The following DOCK1 variants were observed in gnomAD, a reference collection of about 807,000 sequenced individuals.
DOCK1 encodes dedicator of cytokinesis protein 1.
In DOCK1, 138 loss-of-function variants were observed where a neutral mutation model predicts 262.7. The ratio of observed to expected loss-of-function variants is 0.53; its 90% CI spans 0.46 to 0.61. The LOEUF (loss-of-function observed/expected upper bound fraction) is 0.61, where lower values mean the gene tolerates loss of function less well. Among genes scored for constraint, DOCK1 ranks in the 20% least tolerant of loss-of-function variants. The pLI is 0.00. For synonymous variants in DOCK1, 866 were observed against 867.4 expected (o/e 1.00, Z 0.03); for missense variants, 1,908 against 2,370.7 (o/e 0.80, Z 4.05).
chr10:126,978,610 A>G (rs866699109), intron 3 of DOCK1, among the ~76,000 whole-genome samples: 1 of 152,160 alleles, frequency 6.6e-6, no homozygotes, highest in Non-Finnish European at 1.5e-5. Context: ...CTTCTGTTTC[A>G]TTCTACGATG....
At chr10:127,443,608 C>G (rs2070334972) in intron 49 of DOCK1, among the ~76,000 whole-genome samples, 1 of 152,110 alleles carries the variant, frequency 6.6e-6, no homozygotes, top group Non-Finnish European at 1.5e-5. Flanking sequence ...TCAGTAGGAA[C>G]CTACCTAATG....
At chr10:127,405,205 C>G (rs1358249451) in intron 40 of DOCK1, among the ~76,000 whole-genome samples, 2 of 152,154 alleles carry the variant, frequency 1.3e-5, no homozygotes, top group African/African-American at 4.8e-5. Flanking sequence ...CTAGAAACTC[C>G]AAACCAGGCT....
rs1469251000 is a variant in DOCK1, at chr10:126,913,491, C to T, written c.46+7928C>T. Among the ~76,000 whole-genome samples the T allele has an allele frequency of 3.3e-5, 5 of 152,194 alleles. No individual in the cohort carries two copies. In the East Asian group the frequency reaches 5.8e-4, roughly 18 times the overall value. On this transcript the variant is annotated intron_variant, in intron 1 of 51. Transcript: ENST00000623213. ...GCTTCTGTCCTCCACTCGCACCTTGCGTGGCCCTCCGTGGCCTTGGGCCGT... is the reference window on the plus strand; with the variant it reads ...GCTTCTGTCCTCCACTCGCACCTTGTGTGGCCCTCCGTGGCCTTGGGCCGT...
At chr10:127,034,117 C>T (rs566416230) in intron 18 of DOCK1, among the ~76,000 whole-genome samples, 27 of 152,140 alleles carry the variant, frequency 1.8e-4, no homozygotes, top group Admixed American at 8.5e-4. Context: ...GTGGCATGCC[C>T]GAGGCATGTG....
intron 1 of DOCK1, among the ~76,000 whole-genome samples, chr10:126,950,303 C>G (rs1303838594): frequency 1.3e-5 from 2 of 151,908 alleles, no homozygotes; most frequent in Non-Finnish European, 2.9e-5. Flanking sequence ...CAGTTCTTAC[C>G]TGGGATCTTG....
chr10:127,234,148 A>G (rs1297638475), intron 27 of DOCK1, among the ~76,000 whole-genome samples: 1 of 152,236 alleles, frequency 6.6e-6, no homozygotes, highest in Admixed American at 6.5e-5. Context: ...GCTTGCTGTC[A>G]TTATTATAAT....
At chr10:127,077,314 G>A (rs940394971) in intron 23 of DOCK1, among the ~76,000 whole-genome samples, 2 of 152,070 alleles carry the variant, frequency 1.3e-5, no homozygotes, top group Non-Finnish European at 2.9e-5. Flanking sequence ...AGAATCACTT[G>A]AACCCAGGAG....
At chr10:126,914,011 T>C (rs1376555920) in intron 1 of DOCK1, among the ~76,000 whole-genome samples, 1 of 152,206 alleles carries the variant, frequency 6.6e-6, no homozygotes, top group Non-Finnish European at 1.5e-5. Context: ...CTGTGCTTGA[T>C]AATGTTAGTT....
At chr10:127,209,876 T>C (rs192500067) in intron 27 of DOCK1, among the ~76,000 whole-genome samples, 1 of 152,268 alleles carries the variant, frequency 6.6e-6, no homozygotes, top group East Asian at 1.9e-4. Flanking sequence ...ATACGCAGAA[T>C]CTCTCAGCAG....
At chr10:127,028,453 T>G (rs1276496337) in intron 16 of DOCK1, among the ~76,000 whole-genome samples, 1 of 152,180 alleles carries the variant, frequency 6.6e-6, no homozygotes. Context: ...GGTATCAGTA[T>G]TATTACTTCC....
intron 23 of DOCK1, among the ~76,000 whole-genome samples, chr10:127,093,667 C>A (rs1326820499): frequency 6.8e-6 from 1 of 147,108 alleles, no homozygotes; most frequent in Admixed American, 6.8e-5. Context: ...TTTTTTTTTT[C>A]TTATAAAGAT....
chr10:127,013,930 A>G lies in DOCK1; in HGVS notation c.1201+1556A>G, dbSNP rs372712507. On this transcript the variant is annotated intron_variant, in intron 12 of 51. Coordinates refer to ENST00000623213, the MANE Select transcript of DOCK1 (RefSeq NM_001290223.2). ...CCGCCGGGACTGCAGGGCGCTGCCC[A>G]CCGGCGCTCATTTTATCACCAGCAG... 1.3e-4 allele frequency among the ~76,000 whole-genome samples: 20 copies of G among 152,362 alleles called. 1 individual carries two copies. The East Asian group carries it at 2.3e-3, about 18-fold the overall frequency.
intron 23 of DOCK1, among the ~76,000 whole-genome samples, chr10:127,082,779 C>T (rs12260301): frequency 0.21 from 32,544 of 152,006 alleles, 4,933 homozygotes; most frequent in African/African-American, 0.43. Context: ...CTCCTTTCCC[C>T]GTGCCCCACA....
rs937079626 is a variant in DOCK1 at position 127,384,779 on chromosome 10, T to A, written c.3808-11T>A. 1 of 1,559,866 alleles carries A rather than the reference T, an allele frequency of 6.4e-7. No homozygotes were observed. The highest frequency in any genetic ancestry group is 1.4e-5 in the African/African-American group (1 of 72,466). On this transcript the variant is annotated splice_polypyrimidine_tract_variant and intron_variant, in intron 37 of 51. Coordinates refer to ENST00000623213, the MANE Select transcript of DOCK1 (RefSeq NM_001290223.2). ...CGCCTCGGGTCCGCTCATGCTATGC[T>A]TCTCCCTTAGTGGTCGGAGGATGTG...
intron 1 of DOCK1, among the ~76,000 whole-genome samples, chr10:126,947,439 TTGG>T (rs1279088053): frequency 8.8e-4 from 75 of 85,524 alleles, no homozygotes; most frequent in Middle Eastern, 5.4e-3. Flanking sequence ...AGTATTACTG[TTGG>T]TGGTGGTGGT....
At chr10:127,381,247 T>A (rs2065808205) in intron 36 of DOCK1, 31 bp from the exon 37 acceptor site, 1 of 1,576,274 alleles carries the variant, frequency 6.3e-7, no homozygotes, top group Admixed American at 1.8e-5. Flanking sequence ...TAGTGACATT[T>A]TAAGAACATA....
intron 29 of DOCK1, among the ~76,000 whole-genome samples, chr10:127,282,064 A>C (rs2060980462): frequency 6.6e-6 from 1 of 152,290 alleles, no homozygotes; most frequent in South Asian, 2.1e-4. Context: ...AGAGTTTACG[A>C]ATTTGTGTTG....
intron 33 of DOCK1, among the ~76,000 whole-genome samples, chr10:127,365,503 C>T (rs547653397): frequency 9.9e-5 from 15 of 152,052 alleles, no homozygotes; most frequent in Non-Finnish European, 1.8e-4. Flanking sequence ...AAATCTAGCC[C>T]AAAGAAGGAC....
intron 43 of DOCK1, among the ~76,000 whole-genome samples, chr10:127,412,571 C>T (rs1182989891): frequency 1.3e-5 from 2 of 152,292 alleles, no homozygotes; most frequent in Non-Finnish European, 1.5e-5. Flanking sequence ...TCTTGTGTGC[C>T]GTCCGAAGGC....
Sources: allele counts gnomAD v4.1 joint callset (sites outside exome capture counted in the v4.1 genomes callset), GRCh38; gene constraint gnomAD v4.1.1; transcripts MANE v1.5; gene names NCBI Gene and HGNC (gene_info 2026-07-23, HGNC 2026-07-21).